The following FLRT2 variants were observed in gnomAD, a reference collection of about 807,000 sequenced individuals.
FLRT2 encodes leucine-rich repeat transmembrane protein FLRT2.
A neutral mutation model predicts 40.0 loss-of-function variants in FLRT2; 15 were observed. The observed-to-expected ratio is 0.38, with a 90% CI of 0.25 to 0.58. The LOEUF (loss-of-function observed/expected upper bound fraction) is 0.58. Among genes scored for constraint, FLRT2 ranks in the 20% least tolerant of loss-of-function variants. The pLI is 0.71. For synonymous variants in FLRT2, 380 were observed against 336.8 expected (o/e 1.13, Z -1.41); for missense variants, 726 against 840.0 (o/e 0.86, Z 1.68).
Position 85,653,591 on chromosome 14 carries a change from A to C in FLRT2, c.*30094A>C, listed in dbSNP as rs906367164. 1.3e-5 allele frequency: 2 copies of C among 152,266 alleles called. No homozygotes were observed. Among genetic ancestry groups the C allele is most frequent in the Non-Finnish European group, 2.9e-5 (2 of 68,092 alleles). The allele number at this position is 152,266 out of a possible 1,614,324, so 9.4% of individuals were successfully genotyped here. A position where few individuals can be genotyped will look rare whatever the true frequency, so the allele number is the denominator to read the frequency against. The stretch of plus-strand genomic sequence containing the variant: ...ACTTGCTGCCTTTTCCTAGAAGCAC[A>C]TGAAAGAAACCCTGGTCCAAGCGAA... On this transcript the variant is annotated 3_prime_UTR_variant, in exon 2 of 2. Coordinates refer to ENST00000330753, the MANE Select transcript of FLRT2 (RefSeq NM_013231.6).
chr14:85,650,258 G>A lies in FLRT2; in HGVS notation c.*26761G>A, dbSNP rs1040171558. On this transcript the variant is annotated 3_prime_UTR_variant, in exon 2 of 2. Coordinates refer to ENST00000330753, the MANE Select transcript of FLRT2 (RefSeq NM_013231.6). The stretch of plus-strand genomic sequence containing the variant: ...ATTTTGTGTTCAATATCCTGTTGTC[G>A]AAACATTTCCATGTTCCTTTAATTC... 7.9e-5 allele frequency: 12 copies of A among 151,684 alleles called. No homozygotes were observed. Among genetic ancestry groups the A allele is most frequent in the South Asian group, 2.1e-4 (1 of 4,810 alleles). 9.4% of individuals were successfully genotyped at this position (151,684 alleles called of 1,614,324 possible).
chr14:85,638,532 A>C lies in FLRT2; in HGVS notation c.*15035A>C, dbSNP rs1374391245. ...GGTGTCAGCTGCAAAAACCCTCCCA[A>C]GTAAGCCTCTTGTATGCTACTCTGT... On this transcript the variant is annotated 3_prime_UTR_variant, in exon 2 of 2. Coordinates refer to ENST00000330753, the MANE Select transcript of FLRT2 (RefSeq NM_013231.6). 2.6e-5 allele frequency: 4 copies of C among 152,146 alleles called. No individual in the cohort carries two copies. Among genetic ancestry groups the C allele is most frequent in the Non-Finnish European group, 4.4e-5 (3 of 68,072 alleles). 9.4% of individuals were successfully genotyped at this position (152,146 alleles called of 1,614,324 possible).
chr14:85,616,357 A>T (rs899071511), intron 1 of FLRT2, among the ~76,000 whole-genome samples: 8 of 152,180 alleles, frequency 5.3e-5, no homozygotes, highest in African/African-American at 9.6e-5. Context: ...TGATATTTGA[A>T]ATTCATCTTG....
intron 1 of FLRT2, among the ~76,000 whole-genome samples, chr14:85,594,805 C>T (rs1349272910): frequency 2.0e-5 from 3 of 152,084 alleles, no homozygotes; most frequent in Non-Finnish European, 2.9e-5. Flanking sequence ...CCTTTTGACT[C>T]CCCCAGAATT....
chr14:85,546,780 C>G (rs1889304283), intron 1 of FLRT2, among the ~76,000 whole-genome samples: 1 of 152,192 alleles, frequency 6.6e-6, no homozygotes, highest in Non-Finnish European at 1.5e-5. Context: ...TTCCTTCCCT[C>G]CAAGTGCTGA....
chr14:85,614,043 A>G (rs1489287375), intron 1 of FLRT2, among the ~76,000 whole-genome samples: 1 of 152,168 alleles, frequency 6.6e-6, no homozygotes, highest in East Asian at 1.9e-4. Context: ...ACCAACATAA[A>G]GAGTGTGTGT....
intron 1 of FLRT2, among the ~76,000 whole-genome samples, chr14:85,619,084 CT>C (rs11305956): frequency 0.088 from 11,771 of 134,152 alleles, 516 homozygotes; most frequent in East Asian, 0.39. Flanking sequence ...TAATGCTTGA[CT>C]TTTTTTTTTT....
intron 1 of FLRT2, among the ~76,000 whole-genome samples, chr14:85,550,855 A>T (rs1889578630): frequency 6.6e-6 from 1 of 152,162 alleles, no homozygotes; most frequent in Non-Finnish European, 1.5e-5. Context: ...TTCATTGGAA[A>T]ATTGTAGCAT....
chr14:85,535,810 A>G (rs899580513), intron 1 of FLRT2, among the ~76,000 whole-genome samples: 3 of 151,398 alleles, frequency 2.0e-5, no homozygotes, highest in Middle Eastern at 3.4e-3. Flanking sequence ...CTCTGCCAGT[A>G]GAGATACAAG....
chr14:85,609,796 G>C (rs559987240), intron 1 of FLRT2, among the ~76,000 whole-genome samples: 1 of 152,204 alleles, frequency 6.6e-6, no homozygotes, highest in Non-Finnish European at 1.5e-5. Flanking sequence ...AGCCCAGGCA[G>C]CCTTCTAGAA....
intron 1 of FLRT2, among the ~76,000 whole-genome samples, chr14:85,581,554 G>A (rs968576918): frequency 2.0e-5 from 3 of 152,100 alleles, no homozygotes; most frequent in African/African-American, 7.2e-5. Context: ...CATAGCACAA[G>A]TAAAAGAATA....
intron 1 of FLRT2, among the ~76,000 whole-genome samples, chr14:85,599,718 T>A (rs371211508): frequency 1.3e-5 from 2 of 152,332 alleles, no homozygotes; most frequent in South Asian, 2.1e-4. Flanking sequence ...CGTCTTTCCT[T>A]CTTTCCTCCT....
At chr14:85,583,580 T>C (rs1412670293) in intron 1 of FLRT2, among the ~76,000 whole-genome samples, 1 of 152,130 alleles carries the variant, frequency 6.6e-6, no homozygotes, top group Non-Finnish European at 1.5e-5. Context: ...GGAGAGACGC[T>C]CCTAGCACAG....
rs113050946 is a variant in FLRT2 at position 85,569,283 on chromosome 14, A to G, written c.-377+38749A>G. Among the ~76,000 whole-genome samples the G allele has an allele frequency of 7.3e-3, 1,105 of 152,300 alleles. 12 individuals are homozygous for G. Among genetic ancestry groups the G allele is most frequent in the Middle Eastern group, 0.024 (7 of 294 alleles). On this transcript the variant is annotated intron_variant, in intron 1 of 1. Coordinates refer to ENST00000330753, the MANE Select transcript of FLRT2 (RefSeq NM_013231.6). ...CTTGGCAGTTGAACACTGATTGTCA[A>G]GCCCACCGTGGGCAATGCAGGTTTC... is the stretch of plus-strand genomic sequence containing the variant.
rs184019035 is a variant in FLRT2 at position 85,646,477 on chromosome 14, G to T, written c.*22980G>T. On this transcript the variant is annotated 3_prime_UTR_variant, in exon 2 of 2. Coordinates refer to ENST00000330753, the MANE Select transcript of FLRT2 (RefSeq NM_013231.6). ...AAACAAATCATGAGAAGGAAGGGAGGAAAGGATGAAGTAGGTTTGCAGTCC... is the reference window on the plus strand; with the variant it reads ...AAACAAATCATGAGAAGGAAGGGAGTAAAGGATGAAGTAGGTTTGCAGTCC... 2.0e-5 allele frequency: 3 copies of T among 152,296 alleles called. No homozygotes were observed. The highest frequency in any genetic ancestry group is 7.2e-5 in the African/African-American group (3 of 41,554). The allele number at this position is 152,296 out of a possible 1,614,324, so 9.4% of individuals were successfully genotyped here. A position where few individuals can be genotyped will look rare whatever the true frequency, so the allele number is the denominator to read the frequency against.
chr14:85,595,534 G>A (rs1892098369), intron 1 of FLRT2, among the ~76,000 whole-genome samples: 2 of 151,608 alleles, frequency 1.3e-5, no homozygotes, highest in South Asian at 4.2e-4. Flanking sequence ...GTATATATAT[G>A]TGCTTGTTTG....
intron 1 of FLRT2, among the ~76,000 whole-genome samples, chr14:85,601,131 G>A (rs770443140): frequency 5.3e-5 from 8 of 152,170 alleles, no homozygotes; most frequent in Non-Finnish European, 7.3e-5. Flanking sequence ...GGTACAGGAA[G>A]CAGTGAAGAT....
chr14:85,555,373 C>T (rs956822335), intron 1 of FLRT2, among the ~76,000 whole-genome samples: 1 of 152,148 alleles, frequency 6.6e-6, no homozygotes, highest in Non-Finnish European at 1.5e-5. Context: ...TTAATGGACT[C>T]TCAGTTCCAT....
In FLRT2 at chr14:85,652,166, A is replaced by G. The variant is rs1894447820; in HGVS notation, c.*28669A>G. The G allele has an allele frequency of 2.6e-5, 4 of 152,280 alleles. No homozygotes were observed. Among genetic ancestry groups the G allele is most frequent in the Admixed American group, 2.0e-4 (3 of 15,288 alleles). 9.4% of individuals were successfully genotyped at this position (152,280 alleles called of 1,614,324 possible). On this transcript the variant is annotated 3_prime_UTR_variant, in exon 2 of 2. Coordinates refer to ENST00000330753, the MANE Select transcript of FLRT2 (RefSeq NM_013231.6). The stretch of plus-strand genomic sequence containing the variant: ...GTTTGATGTTGCTGAAGATTCTTTC[A>G]TAAACATATTAAAGTCAATTATAAT...
Sources: gnomAD v4.1 joint callset for allele counts (sites outside exome capture counted in the v4.1 genomes callset) on GRCh38, gnomAD v4.1.1 for gene constraint, MANE v1.5 for transcripts, NCBI Gene and HGNC (gene_info 2026-07-23, HGNC 2026-07-21) for gene names.